The following SCAPER variants were observed in gnomAD, a reference collection of about 807,000 sequenced individuals.
The protein encoded by SCAPER is S phase cyclin A-associated protein in the endoplasmic reticulum.
A neutral mutation model predicts 182.2 loss-of-function variants in SCAPER; 98 were observed. That is an observed-to-expected ratio of 0.54 (90% CI 0.46 to 0.64). SCAPER has a LOEUF of 0.64. Among genes scored for constraint, SCAPER ranks in the 30% least tolerant of loss-of-function variants. The pLI is 0.00. For synonymous variants in SCAPER, 605 were observed against 564.6 expected (o/e 1.07, Z -1.01); for missense variants, 1,432 against 1,690.0 (o/e 0.85, Z 2.68).
In SCAPER at chr15:76,880,822, TATAAAAG is replaced by T. The variant is rs1424298146; in HGVS notation, c.6+2983_6+2989del. 4.6e-5 allele frequency among the ~76,000 whole-genome samples: 7 copies of T among 151,386 alleles called. No homozygotes were observed. The East Asian group carries it at 1.4e-3, about 29-fold the overall frequency. On this transcript the variant is annotated intron_variant, in intron 2 of 31. Coordinates refer to ENST00000563290, the MANE Select transcript of SCAPER (RefSeq NM_020843.4). ...TAAATGTATACATTCATTTTGAAAA[TATAAAAG>T]ATAAATCAAACATTAAGAAAAACGA...
At chr15:76,573,210 C>T (rs2047572788) in intron 23 of SCAPER, among the ~76,000 whole-genome samples, 1 of 152,042 alleles carries the variant, frequency 6.6e-6, no homozygotes, top group African/African-American at 2.4e-5. Context: ...ACCTTTAATT[C>T]TGTACAGTAT....
At chr15:76,903,060 CA>C (rs34255827) in intron 1 of SCAPER, among the ~76,000 whole-genome samples, 54,035 of 137,828 alleles carry the variant, frequency 0.39, 11,639 homozygotes, top group Middle Eastern at 0.55. Flanking sequence ...GACTCGGTTT[CA>C]AAAAAAAAAA....
At chr15:76,365,203 T>C (rs1240118900) in intron 29 of SCAPER, among the ~76,000 whole-genome samples, 2 of 152,278 alleles carry the variant, frequency 1.3e-5, no homozygotes, top group Non-Finnish European at 2.9e-5. Context: ...AAGGATTGGG[T>C]TGTGTTCATT....
chr15:76,373,720 T>G (rs1300679041), intron 29 of SCAPER, among the ~76,000 whole-genome samples: 1 of 152,230 alleles, frequency 6.6e-6, no homozygotes, highest in African/African-American at 2.4e-5. Context: ...GGAATCTTTC[T>G]AGAACAGACT....
intron 28 of SCAPER, 130 bp downstream of exon 28, chr15:76,381,248 T>A (rs1230028113): frequency 1.9e-6 from 1 of 527,532 alleles, no homozygotes; most frequent in African/African-American, 1.9e-5. Context: ...TAAATTATAA[T>A]ATATATTATA....
intron 17 of SCAPER, among the ~76,000 whole-genome samples, chr15:76,706,458 G>A (rs1203247614): frequency 6.6e-6 from 1 of 152,108 alleles, no homozygotes; most frequent in African/African-American, 2.4e-5. Context: ...GATTCTACTA[G>A]CAAAATTCCA....
intron 8 of SCAPER, among the ~76,000 whole-genome samples, chr15:76,792,582 G>A (rs1270296745): frequency 6.6e-6 from 1 of 152,224 alleles, no homozygotes; most frequent in Non-Finnish European, 1.5e-5. Flanking sequence ...TAAGGACTTA[G>A]AAGCCTTGCA....
intron 23 of SCAPER, among the ~76,000 whole-genome samples, chr15:76,571,592 G>T (rs1030832013): frequency 2.0e-5 from 3 of 152,126 alleles, no homozygotes; most frequent in African/African-American, 7.2e-5. Flanking sequence ...TAAAGAAACA[G>T]TGTGTCAAGC....
At chr15:76,495,314 A>G (rs2040384799) in intron 24 of SCAPER, among the ~76,000 whole-genome samples, 2 of 152,078 alleles carry the variant, frequency 1.3e-5, no homozygotes, top group Non-Finnish European at 2.9e-5. Context: ...ATGGTGGCTC[A>G]CGCCTGTAAT....
chr15:76,773,599 T>G (rs1172863358), intron 9 of SCAPER, among the ~76,000 whole-genome samples: 1 of 151,868 alleles, frequency 6.6e-6, no homozygotes, highest in African/African-American at 2.4e-5. Context: ...TGTTAGAAAT[T>G]AAAAAGCAAC....
intron 14 of SCAPER, among the ~76,000 whole-genome samples, chr15:76,761,706 TG>T (rs1341197171): frequency 6.6e-6 from 1 of 152,200 alleles, no homozygotes; most frequent in Non-Finnish European, 1.5e-5. Flanking sequence ...ACCTAACACA[TG>T]ATCTATTCTG....
chr15:76,788,546 T>C (rs1170041744), intron 8 of SCAPER, among the ~76,000 whole-genome samples: 1 of 152,138 alleles, frequency 6.6e-6, no homozygotes, highest in Non-Finnish European at 1.5e-5. Flanking sequence ...CCCAAAATGC[T>C]CATTCTTGTA....
rs74611394 is a variant in SCAPER at position 76,882,495 on chromosome 15, A to G, written c.6+1317T>C. Among the ~76,000 whole-genome samples, 1,199 of 152,280 alleles carry G rather than the reference A, an allele frequency of 7.9e-3. 11 individuals carry two copies. The highest frequency in any genetic ancestry group is 0.027 in the African/African-American group (1,138 of 41,532). ...ATTAGGGCAGATTAAAAAAAAAGAA[A>G]TCTTCTGGCAAACAAAAGCATAGTT... On this transcript the variant is annotated intron_variant, in intron 2 of 31. Coordinates refer to ENST00000563290, the MANE Select transcript of SCAPER (RefSeq NM_020843.4).
chr15:76,605,449 A>T (rs1165040025), intron 22 of SCAPER, among the ~76,000 whole-genome samples: 2 of 152,162 alleles, frequency 1.3e-5, no homozygotes. Context: ...GGATTTTTGC[A>T]TCAATGTTCA....
chr15:76,868,747 A>G (rs531760473), intron 2 of SCAPER, among the ~76,000 whole-genome samples: 119 of 152,308 alleles, frequency 7.8e-4, no homozygotes, highest in African/African-American at 2.7e-3. Flanking sequence ...CCCTTTTCAA[A>G]ATACCAATGA....
At chr15:76,728,400 G>A (rs1012770938) in intron 17 of SCAPER, among the ~76,000 whole-genome samples, 195 bp downstream of exon 17, 1 of 152,028 alleles carries the variant, frequency 6.6e-6, no homozygotes, top group Non-Finnish European at 1.5e-5. Flanking sequence ...TGAGTGTGGT[G>A]GTACACACCT....
chr15:76,776,849 A>G (rs1412367022), intron 8 of SCAPER, among the ~76,000 whole-genome samples: 4 of 152,182 alleles, frequency 2.6e-5, no homozygotes, highest in Non-Finnish European at 4.4e-5. Context: ...CTGTGAGACA[A>G]TATTTGAGTT....
chr15:76,517,844 T>C (rs765544997), intron 23 of SCAPER, among the ~76,000 whole-genome samples: 7 of 152,040 alleles, frequency 4.6e-5, no homozygotes, highest in African/African-American at 1.2e-4. Flanking sequence ...ATAAGTAAAG[T>C]TACTTTTAGG....
chr15:76,474,229 T>C (rs1395360784), intron 24 of SCAPER, among the ~76,000 whole-genome samples: 1 of 152,222 alleles, frequency 6.6e-6, no homozygotes, highest in Non-Finnish European at 1.5e-5. Context: ...AATTTTGATG[T>C]GCAGCCAGAG....
Sources: allele counts gnomAD v4.1 joint callset (sites outside exome capture counted in the v4.1 genomes callset), GRCh38; gene constraint gnomAD v4.1.1; transcripts MANE v1.5; gene names NCBI Gene and HGNC (gene_info 2026-07-23, HGNC 2026-07-21).